The following ANK3 variants were observed in gnomAD, a reference collection of about 807,000 sequenced individuals.
The protein encoded by ANK3 is ankyrin 3.
Under a neutral mutation model 370.9 loss-of-function variants are expected in ANK3, and 57 were observed. The observed-to-expected ratio is 0.15, with a 90% CI of 0.12 to 0.19. The LOEUF (loss-of-function observed/expected upper bound fraction) is 0.19, where lower values mean the gene tolerates loss of function less well. Ranked by LOEUF, ANK3 falls within the 10% of genes least tolerant of loss-of-function variation. The pLI is 1.00. For synonymous variants in ANK3, 1,929 were observed against 1,946.3 expected (o/e 0.99, Z 0.23); for missense variants, 4,439 against 5,302.1 (o/e 0.84, Z 5.06).
intron 2 of ANK3, among the ~76,000 whole-genome samples, chr10:60,474,811 A>C (rs982902291): frequency 2.0e-5 from 3 of 152,178 alleles, no homozygotes; most frequent in African/African-American, 7.2e-5. Context: ...GTGTGTATTC[A>C]CAGAAAAAAG....
chr10:60,157,570 T>A (rs549636024), intron 23 of ANK3, among the ~76,000 whole-genome samples: 2 of 151,996 alleles, frequency 1.3e-5, no homozygotes, highest in African/African-American at 4.8e-5. Flanking sequence ...CACTTTAAGA[T>A]AACAAAGAGC....
intron 2 of ANK3, among the ~76,000 whole-genome samples, chr10:60,600,869 G>A (rs937564821): frequency 7.9e-5 from 12 of 152,108 alleles, no homozygotes; most frequent in Admixed American, 2.6e-4. Context: ...TACGAATATA[G>A]ATGAGAACAA....
intron 2 of ANK3, among the ~76,000 whole-genome samples, chr10:60,550,933 G>A (rs2077075053): frequency 6.6e-6 from 1 of 151,938 alleles, no homozygotes; most frequent in African/African-American, 2.4e-5. Context: ...CAGGAGTGAG[G>A]CTTCCATCAC....
chr10:60,338,373 T>A (rs578037779), intron 1 of ANK3, among the ~76,000 whole-genome samples: 35 of 152,316 alleles, frequency 2.3e-4, no homozygotes, highest in African/African-American at 8.2e-4. Context: ...TCAGAGGTTC[T>A]GATTCAATAC....
intron 23 of ANK3, among the ~76,000 whole-genome samples, chr10:60,165,794 C>T (rs965650586): frequency 1.3e-5 from 2 of 152,132 alleles, no homozygotes; most frequent in African/African-American, 4.8e-5. Flanking sequence ...ATTTGATGAT[C>T]TCCCATCATT....
At chr10:60,632,476 T>C (rs769846560) in intron 1 of ANK3, among the ~76,000 whole-genome samples, 3 of 152,134 alleles carry the variant, frequency 2.0e-5, no homozygotes, top group Non-Finnish European at 2.9e-5. Flanking sequence ...TGCCAGGGCA[T>C]GGTAGCTCGT....
In ANK3 at chr10:60,075,996, T is replaced by C; in HGVS notation, c.4885A>G (p.Thr1629Ala). The change falls in exon 37 of 44, where the codon ACA becomes GCA. Residue 1629 changes from threonine to alanine, a missense_variant. Physicochemically the swap from Thr to Ala is moderately conservative, Grantham distance 58 (BLOSUM62 0). Coordinates refer to ENST00000280772, the MANE Select transcript of ANK3 (RefSeq NM_020987.5). ...TFSSRTSPVT[T>A]AGSLLERSSI... ...GACCTCTCCAAAAGAGACCCTGCTG[T>C]AGTCACTGGAGAGGTTCGAGAGGAA... 1 of 1,614,204 alleles carries C rather than the reference T, an allele frequency of 6.2e-7. No homozygotes were observed. Among genetic ancestry groups the C allele is most frequent in the South Asian group, 1.1e-5 (1 of 91,092 alleles).
At chr10:60,370,349 G>A (rs567862836) in intron 1 of ANK3, among the ~76,000 whole-genome samples, 83 of 152,248 alleles carry the variant, frequency 5.5e-4, no homozygotes, top group African/African-American at 1.8e-3. Flanking sequence ...ATGTGAAAAA[G>A]AAATGGATTA....
intron 2 of ANK3, among the ~76,000 whole-genome samples, chr10:60,609,455 T>C (rs2078173082): frequency 6.6e-6 from 1 of 152,004 alleles, no homozygotes; most frequent in East Asian, 1.9e-4. Flanking sequence ...AATCCCAGGG[T>C]GCGTTTAGAT....
rs115701266 is a variant in ANK3, at chr10:60,674,398, G to T, written c.57+58865C>A. On this transcript the variant is annotated intron_variant, in intron 1 of 43. Coordinates refer to the ANK3 transcript ENST00000373827. ...GCTTCCACTCATGGTGGAAGGTAAA[G>T]GGAAAAACAGGCATGCCACAAGGTG... 5.3e-3 allele frequency among the ~76,000 whole-genome samples: 805 copies of T among 152,150 alleles called. 7 individuals carry two copies. The highest frequency in any genetic ancestry group is 0.018 in the African/African-American group (759 of 41,484).
chr10:60,524,381 A>C (rs1365806116), intron 2 of ANK3, among the ~76,000 whole-genome samples: 7 of 152,072 alleles, frequency 4.6e-5, no homozygotes, highest in African/African-American at 1.7e-4. Flanking sequence ...ATCTCACTGT[A>C]TAGCTCCCAT....
chr10:60,568,856 A>G (rs988404284), intron 2 of ANK3, among the ~76,000 whole-genome samples: 2 of 152,196 alleles, frequency 1.3e-5, no homozygotes, highest in African/African-American at 2.4e-5. Context: ...ATAAAAGAAG[A>G]GCAAAAGATG....
intron 2 of ANK3, among the ~76,000 whole-genome samples, chr10:60,411,785 A>G (rs1567018969): frequency 6.6e-6 from 1 of 152,222 alleles, no homozygotes; most frequent in Non-Finnish European, 1.5e-5. Flanking sequence ...TCTAAAGTGT[A>G]GAAATGAGGA....
chr10:60,599,494 C>T (rs192844075), intron 2 of ANK3, among the ~76,000 whole-genome samples: 193 of 152,200 alleles, frequency 1.3e-3, no homozygotes, highest in Admixed American at 3.4e-3. Flanking sequence ...AACATCATCA[C>T]CTTATCTTTT....
chr10:60,308,765 C>A (rs1593449635), intron 1 of ANK3, among the ~76,000 whole-genome samples: 2 of 152,188 alleles, frequency 1.3e-5, no homozygotes, highest in East Asian at 3.9e-4. Flanking sequence ...ATGACAGTTA[C>A]CTTGGAGGTT....
At chr10:60,444,197 A>G (rs2064375725) in intron 2 of ANK3, among the ~76,000 whole-genome samples, 1 of 152,056 alleles carries the variant, frequency 6.6e-6, no homozygotes, top group African/African-American at 2.4e-5. Flanking sequence ...ACTAGCACTA[A>G]AATTCTGGCA....
In ANK3 at chr10:60,478,921, A is replaced by G. The variant is rs547835652; in HGVS notation, c.96+136265T>C. ...TAGCTAATGAAAAGTATATATTATAATGCTGTTCTTGGCATACGAACACGG... is the reference window on the plus strand; with the variant it reads ...TAGCTAATGAAAAGTATATATTATAGTGCTGTTCTTGGCATACGAACACGG... On this transcript the variant is annotated intron_variant, in intron 2 of 43. Coordinates refer to the ANK3 transcript ENST00000373827. Among the ~76,000 whole-genome samples the G allele has an allele frequency of 2.1e-3, 327 of 152,204 alleles. 3 individuals carry two copies. The highest frequency in any genetic ancestry group is 6.4e-3 in the African/African-American group (267 of 41,560).
At chr10:60,319,165 C>T (rs1005289979) in intron 1 of ANK3, among the ~76,000 whole-genome samples, 1 of 152,140 alleles carries the variant, frequency 6.6e-6, no homozygotes, top group African/African-American at 2.4e-5. Flanking sequence ...AAACACTGTT[C>T]ACAGGCTGCT....
chr10:60,497,466 T>C (rs1313976216), intron 2 of ANK3, among the ~76,000 whole-genome samples: 2 of 152,164 alleles, frequency 1.3e-5, no homozygotes, highest in Admixed American at 6.5e-5. Flanking sequence ...CAGGCAGTCA[T>C]GTATTCACAC....
Sources: allele counts gnomAD v4.1 joint callset (sites outside exome capture counted in the v4.1 genomes callset), GRCh38; gene constraint gnomAD v4.1.1; transcripts MANE v1.5; gene names NCBI Gene and HGNC (gene_info 2026-07-23, HGNC 2026-07-21).